USP34: variants seen among roughly 807,000 people sequenced by gnomAD.
USP34 encodes the protein ubiquitin specific peptidase 34, also known as ubiquitin carboxyl-terminal hydrolase 34.
USP34 carries 70 observed loss-of-function variants against 460.3 expected under a neutral mutation model. The ratio of observed to expected loss-of-function variants is 0.15; its 90% CI spans 0.13 to 0.19. The LOEUF (loss-of-function observed/expected upper bound fraction) is 0.19, where lower values mean the gene tolerates loss of function less well. USP34 is among the 10% of genes least tolerant of loss of function. USP34 has a pLI of 1.00. For missense variants in USP34, 3,985 were observed against 4,236.2 expected (o/e 0.94, Z 1.65); for synonymous variants, 1,647 against 1,405.3 (o/e 1.17, Z -3.85).
intron 75 of USP34, 28 bp from the exon 76 acceptor site, chr2:61,193,008 GTTATAA>G: frequency 1.3e-6 from 2 of 1,560,400 alleles, no homozygotes; most frequent in Non-Finnish European, 1.8e-6. Context: ...ATCAGAATAG[GTTATAA>G]TTATAAATTA....
At chr2:61,290,587 T>G (rs1006884990) in intron 33 of USP34, among the ~76,000 whole-genome samples, 1 of 152,098 alleles carries the variant, frequency 6.6e-6, no homozygotes, top group Non-Finnish European at 1.5e-5. Context: ...TCCAATTACA[T>G]GAAATTTTAT....
rs199774527 is a variant in USP34, at chr2:61,266,145, T to C, written c.5456A>G (p.Asn1819Ser). 17 of 1,610,972 alleles carry C rather than the reference T, an allele frequency of 1.1e-5. No individual in the cohort carries two copies. Among genetic ancestry groups the C allele is most frequent in the Middle Eastern group, 1.6e-4 (1 of 6,076 alleles). The change falls in exon 42 of 80, where the codon AAT becomes AGT. Residue 1819 changes from asparagine to serine, a missense_variant. Asn to Ser is a conservative substitution (Grantham distance 46, BLOSUM62 1). Around this residue, in one of 14 missense-constraint regions of USP34, gnomAD observed 1,114 missense variants for 1,122.5 expected, o/e 0.99. Coordinates refer to ENST00000398571, the MANE Select transcript of USP34 (RefSeq NM_014709.4). The part of the protein sequence containing the change: ...EGQEFLRDIF[N>S]LLFLLPSLKD... The stretch of plus-strand genomic sequence containing the variant: ...TAGACTTGGCAACAAAAACAGGAGA[T>C]TGAAGATATCTCTCAAAAATTCCTG...
At chr2:61,466,285 C>T (rs542782801) in intron 1 of USP34, among the ~76,000 whole-genome samples, 1 of 152,118 alleles carries the variant, frequency 6.6e-6, no homozygotes, top group Non-Finnish European at 1.5e-5. Flanking sequence ...ATTAGCCGGG[C>T]TTGGTGGCAC....
At chr2:61,239,890 A>G (rs1419587675) in intron 53 of USP34, among the ~76,000 whole-genome samples, 3 of 151,906 alleles carry the variant, frequency 2.0e-5, no homozygotes, top group Non-Finnish European at 4.4e-5. Flanking sequence ...GGGTGCCTGT[A>G]GTCCCAGCTA....
Position 61,248,753 on chromosome 2 carries a change from T to C in USP34, c.6222-70A>G, listed in dbSNP as rs1688490387. On this transcript the variant is annotated intron_variant, in intron 48 of 79. Coordinates refer to ENST00000398571, the MANE Select transcript of USP34 (RefSeq NM_014709.4). ...ACTTCAGTTGGTTTGATTTCTGTTA[T>C]GCTATATCCATTTCAATTTTCAACT... is the stretch of plus-strand genomic sequence containing the variant. 1.8e-5 allele frequency: 25 copies of C among 1,375,864 alleles called. 1 individual carries two copies. Among genetic ancestry groups the C allele is most frequent in the South Asian group, 9.4e-5 (6 of 63,564 alleles). 85.2% of individuals were successfully genotyped at this position (1,375,864 alleles called of 1,614,324 possible).
chr2:61,379,167 A>G (rs987457942), intron 7 of USP34, among the ~76,000 whole-genome samples: 2 of 152,200 alleles, frequency 1.3e-5, no homozygotes, highest in Non-Finnish European at 2.9e-5. Context: ...GTACACAAGT[A>G]AACTCCACCT....
At chr2:61,194,676 C>T (rs1686743688) in intron 75 of USP34, among the ~76,000 whole-genome samples, 1 of 152,172 alleles carries the variant, frequency 6.6e-6, no homozygotes. Context: ...TATTTTGGGG[C>T]CAGGCGCAGT....
intron 2 of USP34, among the ~76,000 whole-genome samples, chr2:61,413,008 A>T (rs1694086809): frequency 6.6e-6 from 1 of 152,214 alleles, no homozygotes. Context: ...TTATGAAATA[A>T]AATTTTCACA....
intron 2 of USP34, among the ~76,000 whole-genome samples, chr2:61,411,258 C>T (rs748369858): frequency 6.6e-6 from 1 of 151,654 alleles, no homozygotes; most frequent in Non-Finnish European, 1.5e-5. Flanking sequence ...GCCATACGCC[C>T]GTAATCCCAG....
At chr2:61,355,114 A>C (rs894566986) in intron 10 of USP34, among the ~76,000 whole-genome samples, 2 of 152,230 alleles carry the variant, frequency 1.3e-5, no homozygotes, top group Non-Finnish European at 2.9e-5. Flanking sequence ...AATATGCATT[A>C]GTAATTGTTG....
chr2:61,210,295 TTCTG>T (rs747557058), intron 69 of USP34, among the ~76,000 whole-genome samples: 5 of 152,224 alleles, frequency 3.3e-5, no homozygotes, highest in African/African-American at 9.6e-5. Context: ...GTGTACCATT[TTCTG>T]TCTTTTATTC....
chr2:61,449,181 G>A (rs902381920), intron 1 of USP34, among the ~76,000 whole-genome samples: 6 of 150,676 alleles, frequency 4.0e-5, no homozygotes, highest in Non-Finnish European at 5.9e-5. Context: ...GGAGGGACAA[G>A]AGGAGCGCTC....
In USP34 at chr2:61,236,270, C is replaced by T. The variant is rs778409024; in HGVS notation, c.6843-34G>A. The T allele has an allele frequency of 3.4e-5, 55 of 1,594,382 alleles. No individual in the cohort carries two copies. The Middle Eastern group carries it at 5.0e-4, about 15-fold the overall frequency. ...TAAAAATAATCATTTAAAATTCACA[C>T]GTAAGATTTTTTTAAAATGTGTAAA... On this transcript the variant is annotated intron_variant, in intron 54 of 79. Coordinates refer to ENST00000398571, the MANE Select transcript of USP34 (RefSeq NM_014709.4).
At chr2:61,354,914 C>G (rs1172160457) in intron 10 of USP34, among the ~76,000 whole-genome samples, 1 of 152,180 alleles carries the variant, frequency 6.6e-6, no homozygotes, top group East Asian at 1.9e-4. Context: ...TTGTGGTGCA[C>G]TGTACCAGAC....
rs1336742497 is a variant in USP34 at position 61,265,381 on chromosome 2, G to C, written c.5778+16C>G. The C allele has an allele frequency of 4.4e-6, 7 of 1,591,368 alleles. No homozygotes were observed. The highest frequency in any genetic ancestry group is 6.0e-6 in the Non-Finnish European group (7 of 1,173,180). ...CTGGTTTATAATTTTGATTTTTAAAGTGAGGAAAATTCTACCTTGGCAGTG... is the reference window on the plus strand; with the variant it reads ...CTGGTTTATAATTTTGATTTTTAAACTGAGGAAAATTCTACCTTGGCAGTG... On this transcript the variant is annotated intron_variant, in intron 43 of 79. Coordinates refer to ENST00000398571, the MANE Select transcript of USP34 (RefSeq NM_014709.4).
At position 61,375,843 on chromosome 2, in the gene USP34, A is replaced by G. The variant is rs1469824946; in HGVS notation, c.1076+2520T>C. Among the ~76,000 whole-genome samples the G allele has an allele frequency of 4.0e-5, 6 of 151,664 alleles. No homozygotes were observed. The East Asian group carries it at 5.8e-4, about 15-fold the overall frequency. On this transcript the variant is annotated intron_variant, in intron 8 of 79. Coordinates refer to ENST00000398571, the MANE Select transcript of USP34 (RefSeq NM_014709.4). The stretch of plus-strand genomic sequence containing the variant: ...CAACTGGTACTTGATCAAGTGTGGT[A>G]TATCTATACAATGTGATACTATTAA...
intron 21 of USP34, among the ~76,000 whole-genome samples, chr2:61,320,287 T>C (rs1472197165): frequency 6.6e-6 from 1 of 152,214 alleles, no homozygotes; most frequent in Non-Finnish European, 1.5e-5. Flanking sequence ...GACAGGGCAG[T>C]AACTAACCTT....
At chr2:61,404,349 A>G (rs1693807026) in intron 3 of USP34, among the ~76,000 whole-genome samples, 2 of 152,314 alleles carry the variant, frequency 1.3e-5, no homozygotes, top group Non-Finnish European at 2.9e-5. Flanking sequence ...AACAATGTAT[A>G]AGATATAAAA....
intron 62 of USP34, chr2:61,226,829 T>C: frequency 2.4e-6 from 1 of 424,318 alleles, no homozygotes; most frequent in Non-Finnish European, 4.0e-6. Flanking sequence ...AATGACTATT[T>C]CTAACACGAC....
Sources: allele counts gnomAD v4.1 joint callset (sites outside exome capture counted in the v4.1 genomes callset), GRCh38; gene constraint gnomAD v4.1.1; regional missense constraint gnomAD v4.1.1; transcripts MANE v1.5; gene names NCBI Gene and HGNC (gene_info 2026-07-23, HGNC 2026-07-21).